Variants in ELMO1 observed in about 807,000 individuals in gnomAD.
The protein encoded by ELMO1 is engulfment and cell motility 1.
In ELMO1, 26 loss-of-function variants were observed where a neutral mutation model predicts 98.9. That is an observed-to-expected ratio of 0.26 (90% CI 0.19 to 0.36). The LOEUF is 0.36. Among genes scored for constraint, ELMO1 ranks in the 10% least tolerant of loss-of-function variants. ELMO1 has a pLI of 1.00. For missense variants in ELMO1, 627 were observed against 935.2 expected (o/e 0.67, Z 4.30); for synonymous variants, 346 against 346.0 (o/e 1.00, Z 0.00).
At chr7:37,173,960 G>A (rs143266097) in intron 13 of ELMO1, among the ~76,000 whole-genome samples, 27 of 152,258 alleles carry the variant, frequency 1.8e-4, no homozygotes, top group African/African-American at 4.6e-4. Context: ...TGAAGCTAAC[G>A]TCATCTGGCT....
rs192804513 is a variant in ELMO1 at position 36,894,982 on chromosome 7, T to A, written c.1473A>T (p.Ala491=). The part of the protein sequence containing the change: ...MQVVKEQVMR[A]LTTKPSSLDQ... ...CCAGGGAGCTAGGCTTGGTTGTAAG[T>A]GCTCTCATAACCTGCTCCTTCACCA... is the stretch of plus-strand genomic sequence containing the variant. The change falls in exon 17 of 22, where the codon GCA becomes GCT. Residue 491 remains alanine, a synonymous_variant. Coordinates refer to ENST00000310758, the MANE Select transcript of ELMO1 (RefSeq NM_014800.11). 1 of 1,613,962 alleles carries A rather than the reference T, an allele frequency of 6.2e-7. No homozygotes were observed.
intron 13 of ELMO1, among the ~76,000 whole-genome samples, chr7:37,165,313 T>C (rs1029181485): frequency 7.6e-4 from 116 of 151,656 alleles, no homozygotes; most frequent in Non-Finnish European, 1.3e-3. Flanking sequence ...CTTTTCCTAA[T>C]TGAATAACCT....
chr7:37,123,777 T>A (rs1011798762), intron 14 of ELMO1, among the ~76,000 whole-genome samples: 13 of 152,148 alleles, frequency 8.5e-5, no homozygotes, highest in East Asian at 1.9e-4. Context: ...ATCCTCCCTA[T>A]CTCATTTCAT....
At chr7:36,995,333 C>G (rs1792129439) in intron 16 of ELMO1, among the ~76,000 whole-genome samples, 1 of 152,064 alleles carries the variant, frequency 6.6e-6, no homozygotes, top group African/African-American at 2.4e-5. Context: ...CATTGTGAAA[C>G]CCCGTTTCTA....
intron 13 of ELMO1, among the ~76,000 whole-genome samples, chr7:37,206,808 T>C (rs749950468): frequency 5.3e-5 from 8 of 152,088 alleles, no homozygotes; most frequent in Non-Finnish European, 1.0e-4. Context: ...ACACATTATA[T>C]TGTTGAGAAA....
At chr7:36,924,571 T>C (rs772545944) in intron 16 of ELMO1, among the ~76,000 whole-genome samples, 4 of 152,342 alleles carry the variant, frequency 2.6e-5, no homozygotes, top group South Asian at 2.1e-4. Flanking sequence ...AAATGTGTTT[T>C]CTCCTGCTGA....
intron 19 of ELMO1, among the ~76,000 whole-genome samples, chr7:36,874,095 G>A (rs960474412): frequency 5.3e-5 from 8 of 152,178 alleles, no homozygotes; most frequent in Non-Finnish European, 1.0e-4. Context: ...AGAGTGCCAG[G>A]GTTTGAATTC....
At chr7:37,213,514 A>G in intron 11 of ELMO1, 57 bp from the exon 12 acceptor site, 1 of 1,521,550 alleles carries the variant, frequency 6.6e-7, no homozygotes, top group Non-Finnish European at 8.9e-7. Context: ...GGAAACAACT[A>G]GAATTAACAC....
chr7:37,084,760 T>C (rs983680277), intron 15 of ELMO1, among the ~76,000 whole-genome samples: 4 of 136,394 alleles, frequency 2.9e-5, no homozygotes, highest in African/African-American at 2.6e-5. Flanking sequence ...AGCAAATTCC[T>C]TTTTTTTTTT....
At chr7:37,188,502 A>ATAATG (rs1791378190) in intron 13 of ELMO1, among the ~76,000 whole-genome samples, 2 of 60,280 alleles carry the variant, frequency 3.3e-5, no homozygotes, top group African/African-American at 7.2e-5. Flanking sequence ...AAAAAAAAAA[A>ATAATG]ATAATAATAA....
chr7:36,971,971 C>T (rs1303467980), intron 16 of ELMO1, among the ~76,000 whole-genome samples: 3 of 152,138 alleles, frequency 2.0e-5, no homozygotes, highest in African/African-American at 7.2e-5. Flanking sequence ...TTCCAGGGGA[C>T]CATGCGGGCT....
chr7:37,045,706 A>C (rs894486080), intron 15 of ELMO1, among the ~76,000 whole-genome samples: 1 of 152,208 alleles, frequency 6.6e-6, no homozygotes, highest in African/African-American at 2.4e-5. Flanking sequence ...AGAAAAGGAA[A>C]ATAGTTAAAT....
intron 16 of ELMO1, among the ~76,000 whole-genome samples, chr7:36,989,511 A>G (rs1319576430): frequency 6.6e-6 from 1 of 152,202 alleles, no homozygotes; most frequent in Non-Finnish European, 1.5e-5. Flanking sequence ...TGTTTTTGTA[A>G]AGGAGGAGAA....
intron 1 of ELMO1, among the ~76,000 whole-genome samples, chr7:37,377,021 C>G (rs1802377763): frequency 6.6e-6 from 1 of 152,146 alleles, no homozygotes; most frequent in South Asian, 2.1e-4. Flanking sequence ...ATGTAATATA[C>G]CTAACCTACA....
chr7:37,236,001 G>A (rs1024362839), intron 7 of ELMO1, among the ~76,000 whole-genome samples: 4 of 152,186 alleles, frequency 2.6e-5, no homozygotes, highest in African/African-American at 9.6e-5. Context: ...ACTCAGATAA[G>A]ATCAGGAAAC....
At chr7:37,143,801 C>T (rs974941626) in intron 13 of ELMO1, among the ~76,000 whole-genome samples, 3 of 151,366 alleles carry the variant, frequency 2.0e-5, no homozygotes, top group Non-Finnish European at 2.9e-5. Flanking sequence ...GCCTCTGCCC[C>T]CTGGGTTCTA....
chr7:37,219,281 G>A (rs1793466369), intron 10 of ELMO1, among the ~76,000 whole-genome samples: 1 of 152,186 alleles, frequency 6.6e-6, no homozygotes, highest in Non-Finnish European at 1.5e-5. Flanking sequence ...AGGTCCTTCT[G>A]ACCATGGTGG....
chr7:37,353,882 C>A (rs547700796), intron 1 of ELMO1, among the ~76,000 whole-genome samples: 6 of 152,326 alleles, frequency 3.9e-5, no homozygotes, highest in African/African-American at 1.4e-4. Context: ...ACCCAGAAGC[C>A]CAGTCGGCTC....
At position 36,855,862 on chromosome 7, in the gene ELMO1, G is replaced by A. The variant is rs1802160204; in HGVS notation, c.1984-111C>T. On this transcript the variant is annotated intron_variant, in intron 21 of 21. Transcript: ENST00000310758. The surrounding 1 kb of genome is among the most constrained non-coding windows in gnomAD (Gnocchi z 4.2). ...TCCCTCAGTAGGCTGTGCGCTAAGG[G>A]CTCTGCCTACTTCGTCATTTCATAT... 1 of 1,235,410 alleles carries A rather than the reference G, an allele frequency of 8.1e-7. No individual in the cohort carries two copies. Among genetic ancestry groups the A allele is most frequent in the African/African-American group, 1.5e-5 (1 of 66,570 alleles). The allele number at this position is 1,235,410 out of a possible 1,614,324, so 76.5% of individuals were successfully genotyped here.
Sources: allele counts gnomAD v4.1 joint callset (sites outside exome capture counted in the v4.1 genomes callset), GRCh38; gene constraint gnomAD v4.1.1; non-coding constraint Gnocchi (gnomAD v3.1); transcripts MANE v1.5; gene names NCBI Gene and HGNC (gene_info 2026-07-23, HGNC 2026-07-21).